The following SOS1 variants were observed in gnomAD, a reference collection of about 807,000 sequenced individuals.
SOS1 encodes the protein SOS Ras/Rac guanine nucleotide exchange factor 1.
SOS1 carries 25 observed loss-of-function variants against 157.6 expected under a neutral mutation model. That is an observed-to-expected ratio of 0.16 (90% CI 0.12 to 0.22). The LOEUF is 0.22. SOS1 is among the 10% of genes least tolerant of loss of function. SOS1 has a pLI of 1.00. For synonymous variants in SOS1, 528 were observed against 534.0 expected, an observed-to-expected ratio of 0.99 and a Z score of 0.16; for missense variants, 1,237 against 1,599.1, an observed-to-expected ratio of 0.77 and a Z score of 3.86.
chr2:39,097,380 A>G (rs1271439049), intron 1 of SOS1, among the ~76,000 whole-genome samples: 1 of 152,182 alleles, frequency 6.6e-6, no homozygotes, highest in Non-Finnish European at 1.5e-5. Context: ...TCCATGAACC[A>G]AAGCATCAAC....
chr2:39,120,455 G>A lies in SOS1; in HGVS notation c.-33C>T. Reference sequence around the variant, plus strand: ...CCGGGGCGCCTCTGGGCGGGGAGAGGGGCGGCGGCGGCCGGGCCAGGGAGC... The same window carrying A: ...CCGGGGCGCCTCTGGGCGGGGAGAGAGGCGGCGGCGGCCGGGCCAGGGAGC... On this transcript the variant is annotated 5_prime_UTR_variant, in exon 1 of 23. Transcript: ENST00000402219. The A allele has an allele frequency of 6.5e-7, 1 of 1,542,724 alleles. No individual in the cohort carries two copies. Among genetic ancestry groups the A allele is most frequent in the Non-Finnish European group, 8.7e-7 (1 of 1,146,776 alleles).
chr2:38,992,870 A>G (rs1161441273), intron 20 of SOS1: 2 of 152,204 alleles, frequency 1.3e-5, no homozygotes, highest in African/African-American at 2.4e-5. Flanking sequence ...GCTGGGGAGA[A>G]TAAATGGGAA....
At chr2:39,000,002 G>A (rs1448083594) in intron 17 of SOS1, among the ~76,000 whole-genome samples, 1 of 152,160 alleles carries the variant, frequency 6.6e-6, no homozygotes, top group Non-Finnish European at 1.5e-5. Flanking sequence ...CTGGTGAGAT[G>A]ATGAGGGCTG....
chr2:39,037,566 G>A (rs1670402789), intron 6 of SOS1, among the ~76,000 whole-genome samples: 1 of 151,066 alleles, frequency 6.6e-6, no homozygotes, highest in African/African-American at 2.4e-5. Flanking sequence ...TGGTATGCAG[G>A]TACACTTCAC....
chr2:39,011,116 C>G (rs927332255), intron 14 of SOS1, among the ~76,000 whole-genome samples: 12 of 152,014 alleles, frequency 7.9e-5, no homozygotes, highest in Non-Finnish European at 1.3e-4. Context: ...AGGCTGGTCT[C>G]GAACTCCTGA....
intron 1 of SOS1, among the ~76,000 whole-genome samples, chr2:39,090,343 G>T (rs540001816): frequency 6.6e-6 from 1 of 152,172 alleles, no homozygotes; most frequent in East Asian, 1.9e-4. Flanking sequence ...GGGGCTGGGG[G>T]CTGGTTGACA....
intron 1 of SOS1, among the ~76,000 whole-genome samples, chr2:39,068,063 G>C (rs1671651810): frequency 6.6e-6 from 1 of 152,142 alleles, no homozygotes. Context: ...AGGCTGCAGT[G>C]AGCCAAGATC....
At chr2:39,118,416 G>C (rs1434321666) in intron 1 of SOS1, among the ~76,000 whole-genome samples, 1 of 152,210 alleles carries the variant, frequency 6.6e-6, no homozygotes, top group Non-Finnish European at 1.5e-5. Flanking sequence ...GAAACATACT[G>C]TATTTTCAAT....
At chr2:39,119,307 C>G (rs538692153) in intron 1 of SOS1, among the ~76,000 whole-genome samples, 1 of 152,216 alleles carries the variant, frequency 6.6e-6, no homozygotes, top group East Asian at 1.9e-4. Context: ...CCTGAAAAAC[C>G]AAATAGTTTC....
At chr2:39,034,736 T>C (rs1168364289) in intron 8 of SOS1, 2 of 453,236 alleles carry the variant, frequency 4.4e-6, no homozygotes, top group Admixed American at 2.4e-5. Context: ...ATACAGATAG[T>C]TGCAAACTTG....
rs770550039 is a variant in SOS1 at position 38,995,211 on chromosome 2, C to T, written c.3258G>A (p.Pro1086=). 6 of 1,613,978 alleles carry T rather than the reference C, an allele frequency of 3.7e-6. No individual in the cohort carries two copies. Among genetic ancestry groups the T allele is most frequent in the Admixed American group, 1.7e-5 (1 of 60,012 alleles). ...TASAPNSPRT[P]LTPPPASGAS... is the part of the protein sequence containing the mutation. ...CACCAGAAGCAGGCGGAGGTGTTAA[C>T]GGTGTTCTTGGAGAATTTGGTGCAG... is the stretch of plus-strand genomic sequence containing the variant. Residue 1086 remains proline (P), a synonymous_variant, in exon 20 of 23, where the codon CCG becomes CCA. Coordinates refer to ENST00000402219, the MANE Select transcript of SOS1 (RefSeq NM_005633.4).
intron 1 of SOS1, among the ~76,000 whole-genome samples, chr2:39,090,073 G>T (rs991901535): frequency 2.7e-5 from 4 of 149,358 alleles, no homozygotes; most frequent in African/African-American, 9.9e-5. Context: ...CTGGGAGGCA[G>T]AGGTTGTGGT....
chr2:39,058,940 G>T, intron 2 of SOS1, 136 bp from the exon 3 acceptor site: 4 of 674,986 alleles, frequency 5.9e-6, no homozygotes, highest in Non-Finnish European at 1.0e-5. Context: ...ACAAACATAT[G>T]AAGCTAAGAG....
At chr2:39,056,579 A>G in intron 4 of SOS1, 123 bp downstream of exon 4, 7 of 707,296 alleles carry the variant, frequency 9.9e-6, no homozygotes, top group Non-Finnish European at 1.8e-5. Flanking sequence ...AATCCCTACT[A>G]TTAGGTTACT....
rs577604842 is a variant in SOS1, at chr2:39,004,288, G to A, written c.2791+2124C>T. Among the ~76,000 whole-genome samples, 7 of 151,730 alleles carry A rather than the reference G, an allele frequency of 4.6e-5. No homozygotes were observed. In the East Asian group the frequency reaches 7.8e-4, roughly 17 times the overall value. Reference sequence around the variant, plus strand: ...AAAGAAATTAGCTGGGTGTGGTGGTGGGCGCCTGTAGTCCCAGCTACTTGG... The same window carrying A: ...AAAGAAATTAGCTGGGTGTGGTGGTAGGCGCCTGTAGTCCCAGCTACTTGG... On this transcript the variant is annotated intron_variant, in intron 17 of 22. Transcript: ENST00000402219.
chr2:39,015,310 A>G (rs541947514), intron 10 of SOS1, among the ~76,000 whole-genome samples: 1 of 152,076 alleles, frequency 6.6e-6, no homozygotes, highest in Non-Finnish European at 1.5e-5. Flanking sequence ...AGAGCATGCA[A>G]CTGGAAATTG....
chr2:38,994,992 A>ATTATC, intron 20 of SOS1, 131 bp downstream of exon 20: 1 of 710,526 alleles, frequency 1.4e-6, no homozygotes, highest in East Asian at 2.8e-5. Flanking sequence ...TTTTTATAAT[A>ATTATC]TTATCTTTTG....
Position 38,995,286 on chromosome 2 carries a change from C to T in SOS1, c.3183G>A (p.Arg1061=), listed in dbSNP as rs755148065. Residue 1061 remains arginine (R), a synonymous_variant, in exon 20 of 23, where the codon AGG becomes AGA. Transcript: ENST00000402219. ...RHPTPLQQEP[R]KISYSRIPES... ...CAGGGATCCTACTATAACTAATTTTCCTTGGCTCCTGCTGCAGAGGTGTGG... is the reference window on the plus strand; with the variant it reads ...CAGGGATCCTACTATAACTAATTTTTCTTGGCTCCTGCTGCAGAGGTGTGG... 25 of 1,614,042 alleles carry T rather than the reference C, an allele frequency of 1.5e-5. No individual in the cohort carries two copies. Among genetic ancestry groups the T allele is most frequent in the Non-Finnish European group, 2.0e-5 (24 of 1,179,974 alleles).
At chr2:39,003,198 AAGC>A (rs1301808532) in intron 17 of SOS1, among the ~76,000 whole-genome samples, 1 of 152,168 alleles carries the variant, frequency 6.6e-6, no homozygotes, top group Non-Finnish European at 1.5e-5. Flanking sequence ...AAGTAAATTA[AAGC>A]AAGTAAGTGA....
Sources: gnomAD v4.1 joint callset for allele counts (sites outside exome capture counted in the v4.1 genomes callset) on GRCh38, gnomAD v4.1.1 for gene constraint, MANE v1.5 for transcripts, NCBI Gene and HGNC (gene_info 2026-07-23, HGNC 2026-07-21) for gene names.